TNIK: variants seen among roughly 807,000 people sequenced by gnomAD.
The protein encoded by TNIK is TRAF2 and NCK interacting kinase, also known as TRAF2 and NCK-interacting protein kinase.
Under a neutral mutation model 191.3 loss-of-function variants are expected in TNIK, and 49 were observed. The ratio of observed to expected loss-of-function variants is 0.26; its 90% CI spans 0.20 to 0.32. TNIK has a LOEUF of 0.32. TNIK is among the 10% of genes least tolerant of loss of function. The pLI, the probability that TNIK is intolerant of heterozygous loss-of-function variation, is 1.00. For synonymous variants in TNIK, 594 were observed against 600.9 expected (o/e 0.99, Z 0.17); for missense variants, 1,155 against 1,702.3 (o/e 0.68, Z 5.66).
intron 2 of TNIK, among the ~76,000 whole-genome samples, chr3:171,334,576 A>G (rs905555560): frequency 6.6e-6 from 1 of 152,330 alleles, no homozygotes; most frequent in Non-Finnish European, 1.5e-5. Flanking sequence ...CCTTCTAAAA[A>G]TAGTCTAGAA....
intron 2 of TNIK, among the ~76,000 whole-genome samples, chr3:171,326,038 T>C (rs1755711938): frequency 6.6e-6 from 1 of 152,116 alleles, no homozygotes; most frequent in Non-Finnish European, 1.5e-5. Flanking sequence ...TGTTTAGAAG[T>C]GTTCACTAAG....
chr3:171,460,154 T>G lies in TNIK; in HGVS notation c.-91A>C. The G allele has an allele frequency of 1.3e-6, 2 of 1,494,542 alleles. No homozygotes were observed. The highest frequency in any genetic ancestry group is 1.8e-6 in the Non-Finnish European group (2 of 1,101,924). The allele number at this position is 1,494,542 out of a possible 1,614,324, so 92.6% of individuals were successfully genotyped here. A position where few individuals can be genotyped will look rare whatever the true frequency, so the allele number is the denominator to read the frequency against. On this transcript the variant is annotated 5_prime_UTR_variant, in exon 1 of 33. An upstream start codon of the reference 5' UTR is lost. Coordinates refer to ENST00000436636, the MANE Select transcript of TNIK (RefSeq NM_015028.4). The surrounding 1 kb of genome is among the most constrained non-coding windows in gnomAD (Gnocchi z 6.8). ...TTGGTCTATTTCACTCGCGTCCTCATGCGGGTGTCGCGCCAGAGGCCCCGG... is the reference window on the plus strand; with the variant it reads ...TTGGTCTATTTCACTCGCGTCCTCAGGCGGGTGTCGCGCCAGAGGCCCCGG...
intron 10 of TNIK, 115 bp from the exon 11 acceptor site, chr3:171,161,451 C>T (rs577257862): frequency 8.4e-5 from 68 of 809,490 alleles, no homozygotes; most frequent in African/African-American, 1.7e-4. Context: ...GTTAACACAG[C>T]GCTGGAACGG....
intron 18 of TNIK, among the ~76,000 whole-genome samples, chr3:171,115,523 T>G (rs1726552848): frequency 6.6e-6 from 1 of 152,178 alleles, no homozygotes; most frequent in South Asian, 2.1e-4. Flanking sequence ...CTGGTATGGT[T>G]GATGGCAGTG....
intron 28 of TNIK, among the ~76,000 whole-genome samples, chr3:171,077,214 T>G (rs1720081719): frequency 6.6e-6 from 1 of 152,102 alleles, no homozygotes; most frequent in African/African-American, 2.4e-5. Flanking sequence ...GGAGGCATCT[T>G]TCCTGGAACC....
intron 1 of TNIK, among the ~76,000 whole-genome samples, chr3:171,395,548 CTAGGAAA>C (rs1720112068): frequency 6.6e-6 from 1 of 152,062 alleles, no homozygotes; most frequent in Non-Finnish European, 1.5e-5. Flanking sequence ...TCAAGAAGTA[CTAGGAAA>C]TAGGCATGGT....
chr3:171,200,494 T>C (rs1739271314), intron 4 of TNIK, among the ~76,000 whole-genome samples: 1 of 152,214 alleles, frequency 6.6e-6, no homozygotes, highest in Non-Finnish European at 1.5e-5. Flanking sequence ...TTTTTGTCAG[T>C]TGTCATGTTT....
intron 2 of TNIK, among the ~76,000 whole-genome samples, chr3:171,275,412 C>A (rs572534771): frequency 6.6e-6 from 1 of 150,604 alleles, no homozygotes; most frequent in Non-Finnish European, 1.5e-5. Context: ...AAAAGAATTT[C>A]AAAAATTTAA....
chr3:171,276,047 G>A (rs1436663334), intron 2 of TNIK, among the ~76,000 whole-genome samples: 7 of 152,060 alleles, frequency 4.6e-5, no homozygotes, highest in Admixed American at 1.3e-4. Context: ...CTACTGAGAA[G>A]TTACTCTTCC....
chr3:171,241,477 AT>A (rs907562828), intron 2 of TNIK, among the ~76,000 whole-genome samples: 8 of 152,260 alleles, frequency 5.3e-5, no homozygotes, highest in African/African-American at 1.9e-4. Context: ...CAAGCAAACA[AT>A]AAGATATTGT....
chr3:171,327,508 C>G (rs1755907880), intron 2 of TNIK, among the ~76,000 whole-genome samples: 1 of 152,138 alleles, frequency 6.6e-6, no homozygotes, highest in African/African-American at 2.4e-5. Context: ...GATGGATACG[C>G]TCTCTCTTCA....
chr3:171,431,632 A>T (rs1178597977), intron 1 of TNIK, among the ~76,000 whole-genome samples: 3 of 152,206 alleles, frequency 2.0e-5, no homozygotes, highest in Non-Finnish European at 4.4e-5. Flanking sequence ...TTCTCCACTT[A>T]GGAGGATACT....
intron 1 of TNIK, among the ~76,000 whole-genome samples, chr3:171,414,719 T>C (rs980456558): frequency 6.6e-6 from 1 of 152,230 alleles, no homozygotes; most frequent in African/African-American, 2.4e-5. Flanking sequence ...TACAAAGAGA[T>C]ACCCAGCTGG....
intron 2 of TNIK, among the ~76,000 whole-genome samples, chr3:171,325,722 C>CG (rs1294992747): frequency 6.6e-6 from 1 of 152,136 alleles, no homozygotes; most frequent in African/African-American, 2.4e-5. Flanking sequence ...TCAAGAATTT[C>CG]GGGGAGCCGA....
intron 27 of TNIK, among the ~76,000 whole-genome samples, chr3:171,081,928 A>G (rs756297189): frequency 6.6e-6 from 1 of 152,176 alleles, no homozygotes; most frequent in Non-Finnish European, 1.5e-5. Flanking sequence ...TTCTGTCTGT[A>G]TGTGGTAATA....
chr3:171,101,768 G>A, intron 21 of TNIK, 135 bp from the exon 22 acceptor site: 1 of 762,918 alleles, frequency 1.3e-6, no homozygotes, highest in African/African-American at 1.8e-5. Context: ...CATAGTTACT[G>A]CATGGAACTA....
chr3:171,109,250 C>T (rs1310793427), intron 19 of TNIK, among the ~76,000 whole-genome samples: 4 of 152,336 alleles, frequency 2.6e-5, no homozygotes, highest in African/African-American at 4.8e-5. Flanking sequence ...CAGCCTTGAA[C>T]TCCTGAGCTT....
chr3:171,278,411 A>G (rs1272501122), intron 2 of TNIK, among the ~76,000 whole-genome samples: 1 of 152,214 alleles, frequency 6.6e-6, no homozygotes, highest in Non-Finnish European at 1.5e-5. Context: ...CAACATAAGT[A>G]TTCAGCATTC....
intron 2 of TNIK, among the ~76,000 whole-genome samples, chr3:171,263,438 T>C (rs1747919734): frequency 6.6e-6 from 1 of 152,204 alleles, no homozygotes; most frequent in Admixed American, 6.5e-5. Flanking sequence ...ACTGCAACTC[T>C]GTCAACAGAG....
Sources: allele counts gnomAD v4.1 joint callset (sites outside exome capture counted in the v4.1 genomes callset), GRCh38; gene constraint gnomAD v4.1.1; non-coding constraint Gnocchi (gnomAD v3.1); transcripts MANE v1.5; gene names NCBI Gene and HGNC (gene_info 2026-07-23, HGNC 2026-07-21).